The following RSPH14 variants were observed in gnomAD, a reference collection of about 807,000 sequenced individuals.
RSPH14 encodes rhabdoid tumor deletion region gene 1.
Under a neutral mutation model 26.7 loss-of-function variants are expected in RSPH14, and 20 were observed. The observed-to-expected ratio is 0.75, with a 90% confidence interval of 0.53 to 1.09. The LOEUF (loss-of-function observed/expected upper bound fraction) is 1.09. Among genes scored for constraint, RSPH14 ranks in the 50% least tolerant of loss-of-function variants. RSPH14 has a pLI of 0.00. For missense variants in RSPH14, 449 were observed against 457.2 expected (o/e 0.98, Z 0.16); for synonymous variants, 177 against 189.3 (o/e 0.93, Z 0.53).
chr22:23,139,133 C>G (rs966419354), intron 2 of RSPH14, among the ~76,000 whole-genome samples, 191 bp from the exon 3 acceptor site: 3 of 152,186 alleles, frequency 2.0e-5, no homozygotes, highest in African/African-American at 7.2e-5. Context: ...CATGTCTCAT[C>G]CAACCCTCCT....
At chr22:23,072,107 A>C (rs538608995) in intron 4 of RSPH14, among the ~76,000 whole-genome samples, 1 of 152,154 alleles carries the variant, frequency 6.6e-6, no homozygotes, top group Non-Finnish European at 1.5e-5. Flanking sequence ...GGCTCCTTGC[A>C]GTCTGAGACT....
intron 4 of RSPH14, among the ~76,000 whole-genome samples, chr22:23,111,317 G>A (rs1459122946): frequency 6.6e-6 from 1 of 152,224 alleles, no homozygotes; most frequent in Non-Finnish European, 1.5e-5. Flanking sequence ...CCGAGCAGGG[G>A]GTGCGGCCAC....
intron 4 of RSPH14, among the ~76,000 whole-genome samples, chr22:23,099,768 G>A (rs939093607): frequency 6.6e-6 from 1 of 152,236 alleles, no homozygotes; most frequent in Admixed American, 6.5e-5. Flanking sequence ...GCCCTAGGAG[G>A]GAAAGGCAAA....
chr22:23,084,291 A>G (rs2068758347), intron 4 of RSPH14, among the ~76,000 whole-genome samples: 1 of 152,194 alleles, frequency 6.6e-6, no homozygotes, highest in Non-Finnish European at 1.5e-5. Context: ...TCATACAACC[A>G]TTCATTCTGA....
At chr22:23,156,095 C>T in the RSPH14 span, 1 of 1,455,516 alleles carries the variant, frequency 6.9e-7, no homozygotes, top group Non-Finnish European at 9.4e-7. Context: ...CCGGGCTCCA[C>T]AGTGGGAATC....
intron 4 of RSPH14, among the ~76,000 whole-genome samples, chr22:23,097,802 G>T (rs890050595): frequency 6.6e-6 from 1 of 152,258 alleles, no homozygotes; most frequent in African/African-American, 2.4e-5. Flanking sequence ...AAAGTGAGGT[G>T]CTCAGGCCAG....
chr22:23,130,101 A>AAGAAAGAAAG (rs2070298755), intron 4 of RSPH14, among the ~76,000 whole-genome samples: 3 of 77,172 alleles, frequency 3.9e-5, no homozygotes, highest in African/African-American at 1.4e-4. Flanking sequence ...GAAAGAAAGA[A>AAGAAAGAAAG]AGAAAGAAAG....
chr22:23,160,488 A>G, the RSPH14 span, among the ~76,000 whole-genome samples: 2 of 152,368 alleles, frequency 1.3e-5, no homozygotes, highest in South Asian at 4.1e-4. Context: ...GCCCCACCGG[A>G]CAGGTATGGA....
chr22:23,080,153 G>A (rs996532674), intron 4 of RSPH14, among the ~76,000 whole-genome samples: 1 of 152,234 alleles, frequency 6.6e-6, no homozygotes, highest in African/African-American at 2.4e-5. Flanking sequence ...CTCCTCCATA[G>A]GTGGAACCTT....
intron 4 of RSPH14, among the ~76,000 whole-genome samples, chr22:23,105,183 T>TC (rs951672909): frequency 2.2e-4 from 34 of 152,336 alleles, no homozygotes; most frequent in African/African-American, 7.5e-4. Context: ...ACACACCTTT[T>TC]CCTGGCCTGT....
chr22:23,103,561 G>A (rs971789075), intron 4 of RSPH14, among the ~76,000 whole-genome samples: 1 of 152,208 alleles, frequency 6.6e-6, no homozygotes, highest in Non-Finnish European at 1.5e-5. Flanking sequence ...TGCCAGAGCG[G>A]CTCTTCACTT....
chr22:23,162,584 G>C, the RSPH14 span: 11 of 453,258 alleles, frequency 2.4e-5, no homozygotes, highest in Non-Finnish European at 4.9e-5. Flanking sequence ...AGAGCAGACA[G>C]AAATACCCCA....
intron 4 of RSPH14, among the ~76,000 whole-genome samples, chr22:23,115,745 C>A (rs1478556413): frequency 6.6e-6 from 1 of 152,202 alleles, no homozygotes; most frequent in Non-Finnish European, 1.5e-5. Flanking sequence ...CATGTTTGAG[C>A]CATTTTGACT....
chr22:23,097,320 C>T (rs1401894644), intron 4 of RSPH14, among the ~76,000 whole-genome samples: 2 of 152,216 alleles, frequency 1.3e-5, no homozygotes, highest in Non-Finnish European at 2.9e-5. Flanking sequence ...AGTCCTAAGG[C>T]AAGCTTTATT....
intron 4 of RSPH14, among the ~76,000 whole-genome samples, chr22:23,087,886 A>C (rs903327624): frequency 2.0e-5 from 3 of 152,192 alleles, no homozygotes; most frequent in African/African-American, 7.2e-5. Context: ...GGAGGGTCAG[A>C]ATCTTTAGCC....
chr22:23,163,606 G>GCCCCCCCCCCCCCCCCCCCCCCCCCC, the RSPH14 span: 8 of 125,228 alleles, frequency 6.4e-5, 1 homozygote, highest in Non-Finnish European at 1.1e-4. Flanking sequence ...CAAGGTGAAA[G>GCCCCCCCCCCCCCCCCCCCCCCCCCC]CCCCCCCCCC....
At chr22:23,080,523 A>C (rs913827445) in intron 4 of RSPH14, among the ~76,000 whole-genome samples, 2 of 152,236 alleles carry the variant, frequency 1.3e-5, no homozygotes, top group Admixed American at 1.3e-4. Context: ...GGATAGGCAG[A>C]GAGCTTTGAG....
intron 4 of RSPH14, among the ~76,000 whole-genome samples, chr22:23,085,749 TTG>T (rs1008441670): frequency 7.2e-5 from 11 of 152,286 alleles, no homozygotes; most frequent in Admixed American, 2.6e-4. Flanking sequence ...TGTACCCCAC[TTG>T]TGTCCCCAGG....
chr22:23,122,862 C>G (rs1391077379), intron 4 of RSPH14, among the ~76,000 whole-genome samples: 1 of 152,222 alleles, frequency 6.6e-6, no homozygotes, highest in Non-Finnish European at 1.5e-5. Context: ...GGCAAGAGAA[C>G]ATCTTCCAAG....
Sources: gnomAD v4.1 joint callset for allele counts (sites outside exome capture counted in the v4.1 genomes callset) on GRCh38, gnomAD v4.1.1 for gene constraint, MANE v1.5 for transcripts, NCBI Gene and HGNC (gene_info 2026-07-23, HGNC 2026-07-21) for gene names.